PGM5: variants seen among roughly 807,000 people sequenced by gnomAD.
PGM5 encodes the protein phosphoglucomutase 5.
A neutral mutation model predicts 59.2 loss-of-function variants in PGM5; 23 were observed. The ratio of observed to expected loss-of-function variants is 0.39; its 90% CI spans 0.28 to 0.55. The LOEUF is 0.55. Ranked by LOEUF, PGM5 falls within the 20% of genes least tolerant of loss-of-function variation. PGM5 has a pLI of 0.66. For synonymous variants in PGM5, 214 were observed against 286.0 expected (o/e 0.75, Z 2.54); for missense variants, 574 against 748.3 (o/e 0.77, Z 2.72).
chr9:68,422,527 A>T (rs994008129), intron 6 of PGM5, among the ~76,000 whole-genome samples: 1 of 151,968 alleles, frequency 6.6e-6, no homozygotes, highest in African/African-American at 2.4e-5. Context: ...CCTAGGCTCA[A>T]GTGATCCTCC....
At chr9:68,368,630 GT>G (rs1834725433) in intron 1 of PGM5, among the ~76,000 whole-genome samples, 1 of 152,010 alleles carries the variant, frequency 6.6e-6, no homozygotes, top group African/African-American at 2.4e-5. Flanking sequence ...CCAGTTTTTA[GT>G]TTTTAGGTTT....
At chr9:68,515,717 C>A (rs1170680367) in intron 10 of PGM5, among the ~76,000 whole-genome samples, 12 of 152,094 alleles carry the variant, frequency 7.9e-5, no homozygotes, top group Admixed American at 7.9e-4. Context: ...CTGGGAACAC[C>A]CCAACATTCT....
At position 68,384,490 on chromosome 9, in the gene PGM5, T is replaced by C. The variant is rs1367453137; in HGVS notation, c.517T>C (p.Ser173Pro). The change falls in exon 3 of 11, where the codon TCT becomes CCT. Residue 173 changes from serine to proline, a missense_variant. Ser to Pro is a moderately conservative substitution (Grantham distance 74, BLOSUM62 -1). Coordinates refer to ENST00000396396, the MANE Select transcript of PGM5 (RefSeq NM_021965.4). ...ATGTCCTGATCTCCGAATCGACCTATCTCGACTAGGAAGACAAGAATTTGA... is the reference window on the plus strand; with the variant it reads ...ATGTCCTGATCTCCGAATCGACCTACCTCGACTAGGAAGACAAGAATTTGA... ...AICPDLRIDL[S>P]RLGRQEFDLE... The C allele has an allele frequency of 1.9e-6, 3 of 1,609,958 alleles. No individual in the cohort carries two copies. The highest frequency in any genetic ancestry group is 1.7e-5 in the Admixed American group (1 of 59,856).
At chr9:68,373,435 T>A (rs1821791748) in intron 1 of PGM5, among the ~76,000 whole-genome samples, 1 of 152,336 alleles carries the variant, frequency 6.6e-6, no homozygotes, top group South Asian at 2.1e-4. Context: ...AATTACTCAC[T>A]TTAACCTTCT....
At chr9:68,367,700 A>G (rs1486080628) in intron 1 of PGM5, among the ~76,000 whole-genome samples, 1 of 152,006 alleles carries the variant, frequency 6.6e-6, no homozygotes, top group Non-Finnish European at 1.5e-5. Context: ...CTGTAAATCT[A>G]TGATTGCCAG....
intron 9 of PGM5, among the ~76,000 whole-genome samples, chr9:68,486,943 T>A (rs1048253347): frequency 6.6e-6 from 1 of 152,238 alleles, no homozygotes; most frequent in African/African-American, 2.4e-5. Context: ...CTTGTTATTA[T>A]GTCTTTGTGA....
intron 6 of PGM5, among the ~76,000 whole-genome samples, chr9:68,415,156 C>T (rs1259842874): frequency 6.7e-6 from 1 of 149,262 alleles, no homozygotes; most frequent in Non-Finnish European, 1.5e-5. Flanking sequence ...TGTCCATTTA[C>T]TTTCTGGTCA....
chr9:68,486,898 A>G lies in PGM5; in HGVS notation c.1479+2850A>G, dbSNP rs374141369. 3.1e-4 allele frequency among the ~76,000 whole-genome samples: 47 copies of G among 152,306 alleles called. 1 individual carries two copies. The South Asian group carries it at 7.9e-3, about 26-fold the overall frequency. On this transcript the variant is annotated intron_variant, in intron 9 of 10. Transcript: ENST00000396396. ...CACTTGACATTCCTGCCAACAGTAT[A>G]TGAGGGTTCCAGTTTCTCCACACCT...
intron 7 of PGM5, among the ~76,000 whole-genome samples, chr9:68,466,848 G>C (rs1823942641): frequency 6.6e-6 from 1 of 152,054 alleles, no homozygotes; most frequent in South Asian, 2.1e-4. Context: ...CTATCTCCAG[G>C]GTCTTAAACT....
At chr9:68,457,464 A>G (rs1268203459) in intron 6 of PGM5, among the ~76,000 whole-genome samples, 1 of 152,244 alleles carries the variant, frequency 6.6e-6, no homozygotes, top group Non-Finnish European at 1.5e-5. Flanking sequence ...GTGAAGCAGC[A>G]TTATACAAAT....
At chr9:68,395,982 A>C (rs1194402843) in intron 6 of PGM5, 2 of 152,146 alleles carry the variant, frequency 1.3e-5, no homozygotes, top group Non-Finnish European at 1.5e-5. Context: ...AAGACTCCGT[A>C]GAATTGTAGG....
At chr9:68,365,096 C>T (rs1259220829) in intron 1 of PGM5, among the ~76,000 whole-genome samples, 2 of 150,186 alleles carry the variant, frequency 1.3e-5, no homozygotes, top group Non-Finnish European at 3.0e-5. Flanking sequence ...TTGGAACCCA[C>T]TTTTGGAGAT....
intron 6 of PGM5, among the ~76,000 whole-genome samples, chr9:68,462,891 A>G (rs1449349602): frequency 6.6e-6 from 1 of 152,092 alleles, no homozygotes; most frequent in East Asian, 1.9e-4. Context: ...CCTTCTGACC[A>G]TGAAAATAAT....
chr9:68,465,029 T>G (rs1238299787), intron 6 of PGM5, 64 bp from the exon 7 acceptor site: 4 of 1,025,066 alleles, frequency 3.9e-6, no homozygotes, highest in Non-Finnish European at 6.1e-6. Flanking sequence ...CTTCCTACTG[T>G]GCTGAGAAAA....
At chr9:68,456,589 G>A (rs1483138577) in intron 6 of PGM5, among the ~76,000 whole-genome samples, 2 of 149,900 alleles carry the variant, frequency 1.3e-5, no homozygotes, top group Non-Finnish European at 3.0e-5. Flanking sequence ...AAAGTGCTGG[G>A]ATTACATGCA....
At chr9:68,368,152 A>G (rs1167807238) in intron 1 of PGM5, among the ~76,000 whole-genome samples, 1 of 150,956 alleles carries the variant, frequency 6.6e-6, no homozygotes, top group African/African-American at 2.4e-5. Flanking sequence ...GATATATTTA[A>G]CAAGAGGCTA....
rs1012340218 is a variant in PGM5 at position 68,430,629 on chromosome 9, G to A, written c.1044-34464G>A. Among the ~76,000 whole-genome samples the A allele has an allele frequency of 3.9e-5, 6 of 152,304 alleles. 1 individual carries two copies. In the South Asian group the frequency reaches 6.2e-4, roughly 16 times the overall value. The stretch of plus-strand genomic sequence containing the variant: ...CCGGAATCAGGTTTCTCTGGATACC[G>A]TTTCTGATTTGGAGGCTTGCAGCCA... On this transcript the variant is annotated intron_variant, in intron 6 of 10. Coordinates refer to ENST00000396396, the MANE Select transcript of PGM5 (RefSeq NM_021965.4).
chr9:68,417,666 C>G (rs77021853), intron 6 of PGM5, among the ~76,000 whole-genome samples: 1 of 152,120 alleles, frequency 6.6e-6, no homozygotes, highest in East Asian at 1.9e-4. Context: ...CATATAAATG[C>G]GACACAATTC....
intron 9 of PGM5, among the ~76,000 whole-genome samples, chr9:68,496,471 CA>C (rs1448573347): frequency 6.6e-6 from 1 of 152,178 alleles, no homozygotes; most frequent in Non-Finnish European, 1.5e-5. Flanking sequence ...TCTTGAAAAG[CA>C]ACATGGATTC....
Sources: gnomAD v4.1 joint callset for allele counts (sites outside exome capture counted in the v4.1 genomes callset) on GRCh38, gnomAD v4.1.1 for gene constraint, MANE v1.5 for transcripts, NCBI Gene and HGNC (gene_info 2026-07-23, HGNC 2026-07-21) for gene names.